CMTM7: variants seen among roughly 807,000 people sequenced by gnomAD.
The protein encoded by CMTM7 is CKLF-like MARVEL transmembrane domain-containing protein 7.
In CMTM7, 7 loss-of-function variants were observed where a neutral mutation model predicts 19.3. That is an observed-to-expected ratio of 0.36 (90% CI 0.21 to 0.68). CMTM7 has a LOEUF of 0.68. Ranked by LOEUF, CMTM7 falls within the 30% of genes least tolerant of loss-of-function variation. The pLI is 0.60. For synonymous variants in CMTM7, 87 were observed against 99.3 expected (o/e 0.88, Z 0.74); for missense variants, 193 against 232.6 (o/e 0.83, Z 1.11).
rs897543552 is a variant in CMTM7, at chr3:32,449,388, C to T, written c.334-66C>T. 1.4e-5 allele frequency: 14 copies of T among 1,021,986 alleles called. No individual in the cohort carries two copies. The African/African-American group carries it at 1.9e-4, about 14-fold the overall frequency. The allele number at this position is 1,021,986 out of a possible 1,614,324, so 63.3% of individuals were successfully genotyped here. On this transcript the variant is annotated intron_variant, in intron 2 of 4. Transcript: ENST00000334983. This position sits in a 1 kb window ranked among gnomAD's most constrained non-coding sequence, Gnocchi z 4.5. Reference sequence around the variant, plus strand: ...CTTTCTTTTCATGTCTTCTGATGCCCAGTTGCTCTTCCCGGACCAGAAATG... The same window carrying T: ...CTTTCTTTTCATGTCTTCTGATGCCTAGTTGCTCTTCCCGGACCAGAAATG...
intron 1 of CMTM7, among the ~76,000 whole-genome samples, chr3:32,393,355 TG>T (rs1695867277): frequency 6.6e-6 from 1 of 152,196 alleles, no homozygotes; most frequent in Admixed American, 6.5e-5. Flanking sequence ...GGGCATTTTT[TG>T]GCCCAGGCTA....
chr3:32,423,443 T>G (rs546804971), intron 1 of CMTM7, among the ~76,000 whole-genome samples: 110 of 152,186 alleles, frequency 7.2e-4, no homozygotes, highest in Admixed American at 2.1e-3. Flanking sequence ...TGCTCAGGGG[T>G]AGGGGCCGAG....
chr3:32,403,930 A>T (rs898261162), intron 1 of CMTM7, among the ~76,000 whole-genome samples: 1 of 152,078 alleles, frequency 6.6e-6, no homozygotes, highest in Non-Finnish European at 1.5e-5. Flanking sequence ...GAGTGGGGAA[A>T]ACTCCTCACT....
At chr3:32,452,207 C>T in intron 3 of CMTM7, 185 bp from the exon 4 acceptor site, 1 of 1,505,304 alleles carries the variant, frequency 6.6e-7, no homozygotes, top group South Asian at 1.2e-5. Context: ...GGGCCAGTGG[C>T]TGGGCCTCGC....
chr3:32,401,905 C>CTG (rs1696013168), intron 1 of CMTM7, among the ~76,000 whole-genome samples: 1 of 152,202 alleles, frequency 6.6e-6, no homozygotes, highest in Non-Finnish European at 1.5e-5. Context: ...TCCAGCCACC[C>CTG]GGCGCTCCTG....
intron 1 of CMTM7, among the ~76,000 whole-genome samples, chr3:32,418,001 T>C (rs925258815): frequency 1.3e-5 from 2 of 152,154 alleles, no homozygotes; most frequent in Non-Finnish European, 2.9e-5. Flanking sequence ...TTTGTATTTT[T>C]TGTAGAGACC....
At chr3:32,423,226 A>G (rs1696371674) in intron 1 of CMTM7, among the ~76,000 whole-genome samples, 1 of 152,178 alleles carries the variant, frequency 6.6e-6, no homozygotes, top group Admixed American at 6.5e-5. Flanking sequence ...GCTCGAGTAG[A>G]GAAAAGTGGT....
intron 1 of CMTM7, among the ~76,000 whole-genome samples, chr3:32,399,435 A>C (rs1286164580): frequency 5.3e-5 from 8 of 152,184 alleles, no homozygotes; most frequent in Admixed American, 5.2e-4. Context: ...GAGCCTTCCC[A>C]GACTGGGTGC....
intron 1 of CMTM7, among the ~76,000 whole-genome samples, chr3:32,408,252 C>T (rs1372931265): frequency 1.3e-5 from 2 of 152,188 alleles, no homozygotes; most frequent in South Asian, 2.1e-4. Context: ...TTCTGTTGTT[C>T]TAAGCCACCA....
At chr3:32,403,205 C>T (rs867343997) in intron 1 of CMTM7, among the ~76,000 whole-genome samples, 2 of 151,970 alleles carry the variant, frequency 1.3e-5, no homozygotes, top group Non-Finnish European at 2.9e-5. Context: ...TTTTGTTTTG[C>T]TTTTTGTTGT....
At chr3:32,437,743 T>C (rs919740100) in intron 1 of CMTM7, among the ~76,000 whole-genome samples, 2 of 151,970 alleles carry the variant, frequency 1.3e-5, no homozygotes, top group Admixed American at 6.6e-5. Flanking sequence ...ATACAAAAAT[T>C]AGCTGGGCAT....
chr3:32,392,159 C>T (rs2125614701), intron 1 of CMTM7, 94 bp downstream of exon 1: 1 of 986,550 alleles, frequency 1.0e-6, no homozygotes, highest in African/African-American at 1.7e-5. Context: ...TGGACCCGGC[C>T]GGAGCCCAGG....
At chr3:32,427,459 G>A (rs770879421) in intron 1 of CMTM7, among the ~76,000 whole-genome samples, 2 of 152,166 alleles carry the variant, frequency 1.3e-5, no homozygotes, top group Admixed American at 1.3e-4. Context: ...CCTCGGTATG[G>A]GGACCAGGAG....
At chr3:32,437,563 C>T (rs1344017495) in intron 1 of CMTM7, among the ~76,000 whole-genome samples, 3 of 152,126 alleles carry the variant, frequency 2.0e-5, no homozygotes, top group Admixed American at 6.5e-5. Context: ...CGCCACTGCA[C>T]TCCAGCCTGG....
At chr3:32,412,081 G>T (rs1487825862) in intron 1 of CMTM7, among the ~76,000 whole-genome samples, 2 of 152,218 alleles carry the variant, frequency 1.3e-5, no homozygotes, top group Non-Finnish European at 2.9e-5. Context: ...CCACAAAAAT[G>T]TTAGTGGTTC....
chr3:32,443,352 C>A (rs1261923400), intron 2 of CMTM7, among the ~76,000 whole-genome samples: 1 of 152,130 alleles, frequency 6.6e-6, no homozygotes, highest in African/African-American at 2.4e-5. Flanking sequence ...AATCCTCCCA[C>A]TTTGGCCTCC....
intron 1 of CMTM7, among the ~76,000 whole-genome samples, chr3:32,421,597 G>A (rs1305089454): frequency 1.3e-5 from 2 of 152,086 alleles, no homozygotes; most frequent in African/African-American, 4.8e-5. Flanking sequence ...GCTCTCTGGT[G>A]GTATTTATCC....
intron 1 of CMTM7, among the ~76,000 whole-genome samples, chr3:32,432,292 C>T (rs989289236): frequency 2.6e-5 from 4 of 152,192 alleles, no homozygotes; most frequent in African/African-American, 9.7e-5. Flanking sequence ...CTTGCCTCCT[C>T]CCACCACAGG....
chr3:32,426,989 A>T (rs916271898), intron 1 of CMTM7, among the ~76,000 whole-genome samples: 5 of 152,224 alleles, frequency 3.3e-5, no homozygotes, highest in African/African-American at 9.6e-5. Flanking sequence ...ATATGTATTG[A>T]CTGATTTTAC....
Sources: gnomAD v4.1 joint callset for allele counts (sites outside exome capture counted in the v4.1 genomes callset) on GRCh38, gnomAD v4.1.1 for gene constraint, Gnocchi (gnomAD v3.1) non-coding constraint, MANE v1.5 for transcripts, NCBI Gene and HGNC (gene_info 2026-07-23, HGNC 2026-07-21) for gene names.